Variants in TAF4B observed in about 807,000 individuals in gnomAD.
TAF4B encodes the protein transcription initiation factor TFIID subunit 4B.
A neutral mutation model predicts 86.4 loss-of-function variants in TAF4B; 38 were observed. The ratio of observed to expected loss-of-function variants is 0.44; its 90% confidence interval spans 0.34 to 0.58. The LOEUF (loss-of-function observed/expected upper bound fraction) is 0.58. Ranked by LOEUF, TAF4B falls within the 20% of genes least tolerant of loss-of-function variation. TAF4B has a pLI of 0.02. For missense variants in TAF4B, 988 were observed against 1,027.6 expected, an observed-to-expected ratio of 0.96 and a Z score of 0.53; for synonymous variants, 388 against 391.2, an observed-to-expected ratio of 0.99 and a Z score of 0.10.
At chr18:26,347,876 A>T (rs2057212926) in intron 13 of TAF4B, among the ~76,000 whole-genome samples, 1 of 152,264 alleles carries the variant, frequency 6.6e-6, no homozygotes, top group African/African-American at 2.4e-5. Context: ...AACAATTGTG[A>T]ATATATATGT....
At chr18:26,371,579 C>T (rs2057406113) in intron 14 of TAF4B, among the ~76,000 whole-genome samples, 1 of 152,164 alleles carries the variant, frequency 6.6e-6, no homozygotes, top group East Asian at 1.9e-4. Flanking sequence ...TCAGCAAAGT[C>T]AGTGCAGTAA....
At chr18:26,345,842 A>G (rs1276298992) in intron 13 of TAF4B, among the ~76,000 whole-genome samples, 3 of 152,246 alleles carry the variant, frequency 2.0e-5, no homozygotes, top group Non-Finnish European at 4.4e-5. Context: ...AAGGAAGTAC[A>G]TAAAATGCCA....
chr18:26,334,545 C>G (rs1425528507), intron 12 of TAF4B, among the ~76,000 whole-genome samples: 1 of 152,132 alleles, frequency 6.6e-6, no homozygotes. Context: ...AAACAGCTCT[C>G]TTCTTATGCC....
At chr18:26,291,523 A>ATAGTGAAACC (rs1483361918) in intron 7 of TAF4B, among the ~76,000 whole-genome samples, 5 of 152,020 alleles carry the variant, frequency 3.3e-5, no homozygotes, top group African/African-American at 1.2e-4. Flanking sequence ...CCTGGCCAAC[A>ATAGTGAAACC]TAGTGAAACC....
At chr18:26,338,665 A>G (rs1056781488) in intron 13 of TAF4B, among the ~76,000 whole-genome samples, 4 of 151,320 alleles carry the variant, frequency 2.6e-5, no homozygotes, top group African/African-American at 7.3e-5. Context: ...TTTAGTGGAG[A>G]TGGGGTTTCT....
chr18:26,245,230 G>A (rs932328715), intron 1 of TAF4B, among the ~76,000 whole-genome samples: 4 of 152,126 alleles, frequency 2.6e-5, no homozygotes, highest in South Asian at 4.1e-4. Context: ...TCCTTATCAC[G>A]TGGCGATATC....
chr18:26,334,510 G>T (rs532185049), intron 12 of TAF4B, among the ~76,000 whole-genome samples: 2 of 152,200 alleles, frequency 1.3e-5, no homozygotes, highest in Admixed American at 1.3e-4. Context: ...CCTACCCTTT[G>T]TTCCATCATA....
intron 13 of TAF4B, among the ~76,000 whole-genome samples, chr18:26,337,408 TTTTC>T (rs887164492): frequency 1.0e-4 from 15 of 148,900 alleles, no homozygotes; most frequent in African/African-American, 1.7e-4. Context: ...ATCTTTTTTC[TTTTC>T]TTTCTTTCTT....
At chr18:26,344,789 C>CT (rs1255727887) in intron 13 of TAF4B, among the ~76,000 whole-genome samples, 5 of 150,106 alleles carry the variant, frequency 3.3e-5, no homozygotes, top group Non-Finnish European at 7.4e-5. Flanking sequence ...TAGGATTTGA[C>CT]TAGAATGTCA....
chr18:26,329,935 G>T (rs566328981), intron 12 of TAF4B, among the ~76,000 whole-genome samples: 7 of 152,224 alleles, frequency 4.6e-5, no homozygotes, highest in African/African-American at 1.7e-4. Context: ...CCCCCAAGTA[G>T]TTGGGAATAC....
chr18:26,316,516 G>A (rs1326326392), intron 10 of TAF4B, among the ~76,000 whole-genome samples: 1 of 151,900 alleles, frequency 6.6e-6, no homozygotes, highest in African/African-American at 2.4e-5. Context: ...TCAGCCTCCT[G>A]AGTAACTGGG....
intron 10 of TAF4B, among the ~76,000 whole-genome samples, chr18:26,320,080 A>C (rs2056949095): frequency 6.6e-6 from 1 of 152,166 alleles, no homozygotes; most frequent in African/African-American, 2.4e-5. Context: ...TATTTGAGTT[A>C]TTGACTTTTA....
At chr18:26,303,808 T>G (rs2056766984) in intron 9 of TAF4B, among the ~76,000 whole-genome samples, 1 of 152,158 alleles carries the variant, frequency 6.6e-6, no homozygotes, top group Non-Finnish European at 1.5e-5. Context: ...GTGGCCTGAG[T>G]CCATAGGCCC....
At chr18:26,235,296 G>T (rs2055732294) in intron 1 of TAF4B, among the ~76,000 whole-genome samples, 1 of 152,080 alleles carries the variant, frequency 6.6e-6, no homozygotes, top group Non-Finnish European at 1.5e-5. Context: ...GGCAAAAGCT[G>T]GTGATCCCAA....
chr18:26,303,113 C>G (rs113042726), intron 9 of TAF4B, among the ~76,000 whole-genome samples: 1 of 81,776 alleles, frequency 1.2e-5, no homozygotes, highest in African/African-American at 4.8e-5. Flanking sequence ...TTTCATACCC[C>G]CTCCACTTTC....
At chr18:26,347,057 A>T (rs1252503290) in intron 13 of TAF4B, among the ~76,000 whole-genome samples, 1 of 148,846 alleles carries the variant, frequency 6.7e-6, no homozygotes, top group African/African-American at 2.5e-5. Context: ...AGTAGCTGGG[A>T]CTACAGGTGC....
At chr18:26,232,478 AT>A (rs1238223262) in intron 1 of TAF4B, among the ~76,000 whole-genome samples, 7 of 152,200 alleles carry the variant, frequency 4.6e-5, no homozygotes. Flanking sequence ...AAGGAAACAA[AT>A]TTGACAAGGA....
intron 10 of TAF4B, among the ~76,000 whole-genome samples, chr18:26,318,861 A>AT (rs1259618219): frequency 3.3e-5 from 5 of 152,196 alleles, no homozygotes; most frequent in Non-Finnish European, 7.3e-5. Flanking sequence ...TGTTGGATGA[A>AT]TTACCTCTGT....
At chr18:26,361,570 C>T (rs1046750242) in intron 14 of TAF4B, among the ~76,000 whole-genome samples, 4 of 151,794 alleles carry the variant, frequency 2.6e-5, no homozygotes, top group Non-Finnish European at 4.4e-5. Context: ...ACATGTGAAA[C>T]CCCGTCTCTA....
Sources: gnomAD v4.1 joint callset for allele counts (sites outside exome capture counted in the v4.1 genomes callset) on GRCh38, gnomAD v4.1.1 for gene constraint, MANE v1.5 for transcripts, NCBI Gene and HGNC (gene_info 2026-07-23, HGNC 2026-07-21) for gene names.